Variants in PPP3CB observed in about 807,000 individuals in gnomAD.
PPP3CB encodes serine/threonine-protein phosphatase 2B catalytic subunit beta isoform.
PPP3CB carries 8 observed loss-of-function variants against 66.4 expected under a neutral mutation model. The observed-to-expected ratio is 0.12, with a 90% CI of 0.07 to 0.22. The LOEUF (loss-of-function observed/expected upper bound fraction) is 0.22, where lower values mean the gene tolerates loss of function less well. PPP3CB is among the 10% of genes least tolerant of loss of function. PPP3CB has a pLI of 1.00. For missense variants in PPP3CB, 319 were observed against 642.5 expected (o/e 0.50, Z 5.44); for synonymous variants, 208 against 221.2 (o/e 0.94, Z 0.53).
In PPP3CB at chr10:73,445,749, CT is replaced by C. The variant is rs1208013891; in HGVS notation, c.1268+742del. On this transcript the variant is annotated intron_variant, in intron 11 of 13. Coordinates refer to ENST00000360663, the MANE Select transcript of PPP3CB (RefSeq NM_021132.4). ...CACCCAGCCTAAGGGCCTAAGTACC[CT>C]TTTTTTTTTTTTTTCTGAGACAGAG... Among the ~76,000 whole-genome samples, 172 of 129,550 alleles carry C rather than the reference CT, an allele frequency of 1.3e-3. 1 individual carries two copies. Among genetic ancestry groups the C allele is most frequent in the South Asian group, 1.5e-3 (6 of 4,002 alleles). The allele number at this position is 129,550 out of a possible 152,430, so 85.0% of individuals were successfully genotyped here. A position where few individuals can be genotyped will look rare whatever the true frequency, so the allele number is the denominator to read the frequency against.
At chr10:73,481,803 CTTT>C (rs144330340) in intron 1 of PPP3CB, among the ~76,000 whole-genome samples, 1 of 145,004 alleles carries the variant, frequency 6.9e-6, no homozygotes, top group Non-Finnish European at 1.5e-5. Flanking sequence ...ACTAATCCCT[CTTT>C]TTTTTTTTAT....
intron 12 of PPP3CB, chr10:73,444,486 T>C: frequency 8.0e-7 from 1 of 1,243,706 alleles, no homozygotes; most frequent in Non-Finnish European, 1.1e-6. Context: ...TATCATTTCA[T>C]GAAAAGCTGA....
intron 1 of PPP3CB, among the ~76,000 whole-genome samples, chr10:73,487,689 T>C (rs1192786606): frequency 6.6e-6 from 1 of 151,896 alleles, no homozygotes; most frequent in Non-Finnish European, 1.5e-5. Context: ...TGACAATATA[T>C]TTATAGTGTT....
At chr10:73,453,107 T>G (rs1420675327) in intron 10 of PPP3CB, among the ~76,000 whole-genome samples, 2 of 152,040 alleles carry the variant, frequency 1.3e-5, no homozygotes, top group Non-Finnish European at 2.9e-5. Flanking sequence ...ATGAAGAAAA[T>G]AAGTAAAAAT....
chr10:73,443,134 G>C (rs867307552), intron 12 of PPP3CB, among the ~76,000 whole-genome samples: 41 of 151,880 alleles, frequency 2.7e-4, no homozygotes, highest in Middle Eastern at 6.8e-3. Flanking sequence ...AGGAGGTTGA[G>C]GCTGCACTGC....
At chr10:73,442,242 T>C (rs942693734) in intron 12 of PPP3CB, among the ~76,000 whole-genome samples, 6 of 152,162 alleles carry the variant, frequency 3.9e-5, no homozygotes, top group African/African-American at 1.4e-4. Context: ...ATGCTGAGAA[T>C]AGAGAGTCCC....
intron 9 of PPP3CB, among the ~76,000 whole-genome samples, chr10:73,457,331 G>A: frequency 6.8e-6 from 1 of 146,956 alleles, no homozygotes; most frequent in Non-Finnish European, 1.5e-5. Context: ...TACCTACTTG[G>A]AAGGCCATGC....
rs1306057411 is a variant in PPP3CB, at chr10:73,470,916, A to G, written c.858T>C (p.Ile286=). 6.2e-7 allele frequency: 1 copy of G among 1,613,410 alleles called. No individual in the cohort carries two copies. ...EFLQNNNLLS[I]IRAHEAQDAG... ...CATCTTGAGCTTCATGAGCTCTAAT[A>G]ATCGATAACAAATTATTGTTTTGCA... Residue 286 remains isoleucine, a synonymous_variant, in exon 7 of 14, where the codon ATT becomes ATC. Transcript: ENST00000360663.
At chr10:73,457,661 C>T (rs763522689) in intron 9 of PPP3CB, among the ~76,000 whole-genome samples, 1 of 150,772 alleles carries the variant, frequency 6.6e-6, no homozygotes, top group Non-Finnish European at 1.5e-5. Context: ...TCGCTTGAAT[C>T]TGGGAGGTGG....
In PPP3CB at chr10:73,438,197, G is replaced by C; in HGVS notation, c.*45C>G. 1 of 1,579,882 alleles carries C rather than the reference G, an allele frequency of 6.3e-7. No individual in the cohort carries two copies. The highest frequency in any genetic ancestry group is 8.7e-7 in the Non-Finnish European group (1 of 1,154,072). On this transcript the variant is annotated 3_prime_UTR_variant, in exon 14 of 14. Coordinates refer to ENST00000360663, the MANE Select transcript of PPP3CB (RefSeq NM_021132.4). ...ACCCCTCCAGCTCCTCGGGTGATCTGTCCATTTGGGGCCCGAGATGTGAGA... is the reference window on the plus strand; with the variant it reads ...ACCCCTCCAGCTCCTCGGGTGATCTCTCCATTTGGGGCCCGAGATGTGAGA...
At chr10:73,469,495 C>T (rs931657308) in intron 8 of PPP3CB, among the ~76,000 whole-genome samples, 1 of 152,150 alleles carries the variant, frequency 6.6e-6, no homozygotes, top group Non-Finnish European at 1.5e-5. Context: ...TCGGCCGAGA[C>T]TGCACCACTG....
At chr10:73,475,119 T>G in intron 3 of PPP3CB, 89 bp from the exon 4 acceptor site, 1 of 1,433,280 alleles carries the variant, frequency 7.0e-7, no homozygotes, top group East Asian at 2.6e-5. Context: ...CTACTACCCT[T>G]ACCATCCTCT....
Position 73,485,950 on chromosome 10 carries a change from G to GTGTGTGTGTGTTTA in PPP3CB, c.86-6434_86-6433insTAAACACACACACA, listed in dbSNP as rs58404946. On this transcript the variant is annotated intron_variant, in intron 1 of 13. Coordinates refer to ENST00000360663, the MANE Select transcript of PPP3CB (RefSeq NM_021132.4). ...TGTGTGTGTGTGTGTGTGTGTGTGT[G>GTGTGTGTGTGTTTA]TATTTTTTTTTTTCAGATGCAGTCT... is the stretch of plus-strand genomic sequence containing the variant. Among the ~76,000 whole-genome samples the GTGTGTGTGTGTTTA allele has an allele frequency of 1.6e-3, 203 of 124,678 alleles. 2 individuals carry two copies. The highest frequency in any genetic ancestry group is 2.7e-3 in the Non-Finnish European group (163 of 61,112). The allele number at this position is 124,678 out of a possible 152,430, so 81.8% of individuals were successfully genotyped here.
intron 8 of PPP3CB, 66 bp from the exon 9 acceptor site, chr10:73,467,744 T>C: frequency 7.1e-7 from 1 of 1,408,190 alleles, no homozygotes; most frequent in Non-Finnish European, 9.6e-7. Flanking sequence ...GCCTTAAAAA[T>C]ATAAAATACA....
Position 73,437,077 on chromosome 10 carries a change from T to C in PPP3CB, c.*1165A>G, listed in dbSNP as rs921543753. 6.6e-5 allele frequency: 10 copies of C among 152,664 alleles called. No individual in the cohort carries two copies. Among genetic ancestry groups the C allele is most frequent in the African/African-American group, 2.4e-4 (10 of 41,466 alleles). 9.5% of individuals were successfully genotyped at this position (152,664 alleles called of 1,614,324 possible). A position where few individuals can be genotyped will look rare whatever the true frequency, so the allele number is the denominator to read the frequency against. Reference sequence around the variant, plus strand: ...TGTGAAAAATTAGCACATGGTTCCATTTAGTTTAACCAAGCAGTTCAGTAA... The same window carrying C: ...TGTGAAAAATTAGCACATGGTTCCACTTAGTTTAACCAAGCAGTTCAGTAA... On this transcript the variant is annotated 3_prime_UTR_variant, in exon 14 of 14. Coordinates refer to ENST00000360663, the MANE Select transcript of PPP3CB (RefSeq NM_021132.4).
At chr10:73,485,950 G>GTGTGTGTGTGTA (rs58404946) in intron 1 of PPP3CB, among the ~76,000 whole-genome samples, 3,017 of 124,506 alleles carry the variant, frequency 0.024, 63 homozygotes, top group East Asian at 0.095. Flanking sequence ...GTGTGTGTGT[G>GTGTGTGTGTGTA]TATTTTTTTT....
At chr10:73,477,726 G>A (rs1427466411) in intron 3 of PPP3CB, among the ~76,000 whole-genome samples, 2 of 152,062 alleles carry the variant, frequency 1.3e-5, no homozygotes, top group Non-Finnish European at 2.9e-5. Context: ...AGACCAGCCT[G>A]GGCAACATAG....
At chr10:73,453,014 GA>G (rs1183651705) in intron 10 of PPP3CB, among the ~76,000 whole-genome samples, 3 of 152,116 alleles carry the variant, frequency 2.0e-5, no homozygotes, top group African/African-American at 7.2e-5. Context: ...TACACAGTTG[GA>G]AAAACAGTAA....
chr10:73,463,421 G>C (rs1038283203), intron 9 of PPP3CB, among the ~76,000 whole-genome samples: 1 of 152,150 alleles, frequency 6.6e-6, no homozygotes, highest in Non-Finnish European at 1.5e-5. Flanking sequence ...ATATCCTCAT[G>C]ATCTAGCCCT....
Sources: gnomAD v4.1 joint callset for allele counts (sites outside exome capture counted in the v4.1 genomes callset) on GRCh38, gnomAD v4.1.1 for gene constraint, MANE v1.5 for transcripts, NCBI Gene and HGNC (gene_info 2026-07-23, HGNC 2026-07-21) for gene names.